Variants in TMC1 observed in about 807,000 individuals in gnomAD.
The protein encoded by TMC1 is transmembrane channel like 1, also known as transmembrane channel-like protein 1.
A neutral mutation model predicts 105.8 loss-of-function variants in TMC1; 84 were observed. The observed-to-expected ratio is 0.79, with a 90% CI of 0.67 to 0.95. The LOEUF is 0.95. TMC1 is among the 40% of genes least tolerant of loss of function. TMC1 has a pLI of 0.00. For synonymous variants in TMC1, 315 were observed against 311.5 expected, an observed-to-expected ratio of 1.01 and a Z score of -0.12; for missense variants, 817 against 914.1, an observed-to-expected ratio of 0.89 and a Z score of 1.37.
Position 72,786,652 on chromosome 9 carries a change from GAGT to G in TMC1, c.885-1684_885-1682del, listed in dbSNP as rs1828172566. On this transcript the variant is annotated intron_variant, in intron 13 of 23. Transcript: ENST00000297784. The stretch of plus-strand genomic sequence containing the variant: ...GTATACATTTTGCTCTATAGACAAA[GAGT>G]AGAGCTTATAGCTATCATGGCCATA... 2.0e-5 allele frequency among the ~76,000 whole-genome samples: 3 copies of G among 152,310 alleles called. No individual in the cohort carries two copies. The South Asian group carries it at 6.2e-4, about 32-fold the overall frequency.
chr9:72,771,593 A>G (rs995370832), intron 12 of TMC1, among the ~76,000 whole-genome samples: 5 of 152,186 alleles, frequency 3.3e-5, no homozygotes, highest in Non-Finnish European at 5.9e-5. Flanking sequence ...CACAAAACAT[A>G]GTTATTGTCA....
At position 72,836,607 on chromosome 9, in the gene TMC1, G is replaced by GATTTTT. The variant is rs1829129792; in HGVS notation, c.*634_*635insATTTTT. 1 of 153,024 alleles carries GATTTTT rather than the reference G, an allele frequency of 6.5e-6. No homozygotes were observed. The highest frequency in any genetic ancestry group is 6.5e-5 in the Admixed American group (1 of 15,442). The allele number at this position is 153,024 out of a possible 1,614,324, so 9.5% of individuals were successfully genotyped here. On this transcript the variant is annotated 3_prime_UTR_variant, in exon 24 of 24. Coordinates refer to ENST00000297784, the MANE Select transcript of TMC1 (RefSeq NM_138691.3). ...AAAAAAAAATCCTATATGAATTGGG[G>GATTTTT]CCTGGATAGCACTGAGTTGAAGATC...
chr9:72,662,440 A>AT, intron 5 of TMC1, among the ~76,000 whole-genome samples: 2 of 149,978 alleles, frequency 1.3e-5, no homozygotes, highest in East Asian at 3.9e-4. Context: ...CAGGTAATCC[A>AT]CTGGCCTCGG....
intron 2 of TMC1, among the ~76,000 whole-genome samples, chr9:72,580,015 T>A (rs1824448624): frequency 6.6e-6 from 1 of 152,218 alleles, no homozygotes; most frequent in Non-Finnish European, 1.5e-5. Context: ...AAGAAATGGC[T>A]AAGCAGGGGT....
intron 8 of TMC1, among the ~76,000 whole-genome samples, chr9:72,716,453 C>T (rs113194879): frequency 6.6e-6 from 1 of 152,162 alleles, no homozygotes; most frequent in African/African-American, 2.4e-5. Flanking sequence ...TTCAGAGATG[C>T]CCTGGCCACA....
intron 1 of TMC1, among the ~76,000 whole-genome samples, chr9:72,568,772 C>T (rs1047316833): frequency 6.6e-6 from 1 of 152,038 alleles, no homozygotes; most frequent in Non-Finnish European, 1.5e-5. Flanking sequence ...CTCATTGTGC[C>T]CCTCCATACT....
At chr9:72,789,571 CATT>C (rs1828230862) in intron 15 of TMC1, among the ~76,000 whole-genome samples, 1 of 152,126 alleles carries the variant, frequency 6.6e-6, no homozygotes, top group African/African-American at 2.4e-5. Flanking sequence ...ATAGTCTAAT[CATT>C]ATGTTTTACA....
At chr9:72,801,386 T>C (rs1828467827) in intron 17 of TMC1, among the ~76,000 whole-genome samples, 1 of 152,206 alleles carries the variant, frequency 6.6e-6, no homozygotes, top group African/African-American at 2.4e-5. Context: ...GTTTTATAGA[T>C]GAGAAGACTG....
At chr9:72,523,945 A>G (rs937967926) in intron 1 of TMC1, among the ~76,000 whole-genome samples, 3 of 152,198 alleles carry the variant, frequency 2.0e-5, no homozygotes, top group Admixed American at 6.5e-5. Context: ...TGGGCTCTGA[A>G]ATTGCAGCCA....
intron 20 of TMC1, among the ~76,000 whole-genome samples, chr9:72,823,720 C>T (rs1279424655): frequency 6.6e-6 from 1 of 152,146 alleles, no homozygotes; most frequent in African/African-American, 2.4e-5. Flanking sequence ...CCTGATGTTT[C>T]CTCCCATCTA....
At chr9:72,784,128 G>A (rs1828133593) in intron 13 of TMC1, among the ~76,000 whole-genome samples, 2 of 152,008 alleles carry the variant, frequency 1.3e-5, no homozygotes, top group Non-Finnish European at 2.9e-5. Flanking sequence ...AGACTAAACA[G>A]ACAACCAACA....
At chr9:72,566,457 T>C (rs886373199) in intron 1 of TMC1, among the ~76,000 whole-genome samples, 1 of 146,578 alleles carries the variant, frequency 6.8e-6, no homozygotes, top group African/African-American at 2.5e-5. Context: ...CTTTGGGAAG[T>C]GTACAGGGTT....
chr9:72,766,165 C>A (rs1380966799), intron 12 of TMC1, among the ~76,000 whole-genome samples: 3 of 152,082 alleles, frequency 2.0e-5, no homozygotes, highest in Admixed American at 2.0e-4. Context: ...CACCTGTAAT[C>A]CCAGCACTTT....
intron 12 of TMC1, among the ~76,000 whole-genome samples, chr9:72,767,451 T>C (rs1294045680): frequency 2.0e-5 from 3 of 152,212 alleles, no homozygotes; most frequent in Non-Finnish European, 4.4e-5. Context: ...ATGAAGGAGA[T>C]GTTTTGCATG....
At chr9:72,818,130 T>C (rs189745682) in intron 19 of TMC1, among the ~76,000 whole-genome samples, 117 of 152,274 alleles carry the variant, frequency 7.7e-4, no homozygotes, top group African/African-American at 2.6e-3. Context: ...TCACACACAA[T>C]CGTTCCATTA....
rs79971335 is a variant in TMC1, at chr9:72,684,339, T to C, written c.17-4370T>C. Among the ~76,000 whole-genome samples the C allele has an allele frequency of 8.0e-4, 122 of 152,274 alleles. No homozygotes were observed. In the East Asian group the frequency reaches 0.016, roughly 20 times the overall value. Reference sequence around the variant, plus strand: ...TGCCAAGATCATCAATATCTCTACATTGTCAAATCCAGTGGTCAATTTTCA... The same window carrying C: ...TGCCAAGATCATCAATATCTCTACACTGTCAAATCCAGTGGTCAATTTTCA... On this transcript the variant is annotated intron_variant, in intron 5 of 23. Transcript: ENST00000297784.
chr9:72,566,888 A>T (rs1824166617), intron 1 of TMC1, among the ~76,000 whole-genome samples: 1 of 152,100 alleles, frequency 6.6e-6, no homozygotes, highest in African/African-American at 2.4e-5. Context: ...AGTTGTTTTC[A>T]TCTCTTAACA....
chr9:72,748,264 A>G (rs1189555016), intron 10 of TMC1, among the ~76,000 whole-genome samples: 2 of 152,186 alleles, frequency 1.3e-5, no homozygotes, highest in Non-Finnish European at 2.9e-5. Flanking sequence ...TGGGAAAACA[A>G]TAGTTCCCAT....
chr9:72,562,603 G>T (rs184884642), intron 1 of TMC1, among the ~76,000 whole-genome samples: 1 of 152,238 alleles, frequency 6.6e-6, no homozygotes, highest in East Asian at 1.9e-4. Flanking sequence ...ATTGGAAACT[G>T]GGGATACAAG....
Sources: gnomAD v4.1 joint callset for allele counts (sites outside exome capture counted in the v4.1 genomes callset) on GRCh38, gnomAD v4.1.1 for gene constraint, MANE v1.5 for transcripts, NCBI Gene and HGNC (gene_info 2026-07-23, HGNC 2026-07-21) for gene names.